The following SNRPA1 variants were observed in gnomAD, a reference collection of about 807,000 sequenced individuals.
SNRPA1 encodes the protein small nuclear ribonucleoprotein polypeptide A'.
A neutral mutation model predicts 32.3 loss-of-function variants in SNRPA1; 5 were observed. That is an observed-to-expected ratio of 0.15 (90% confidence interval 0.08 to 0.33). SNRPA1 has a LOEUF of 0.33. SNRPA1 is among the 10% of genes least tolerant of loss of function. The pLI is 1.00. For missense variants in SNRPA1, 198 were observed against 311.1 expected (o/e 0.64, Z 2.74); for synonymous variants, 111 against 120.1 (o/e 0.92, Z 0.50).
intron 5 of SNRPA1, 180 bp downstream of exon 5, chr15:101,286,728 A>C: frequency 1.9e-6 from 1 of 535,774 alleles, no homozygotes; most frequent in Admixed American, 3.4e-5. Context: ...GCTCCAACTT[A>C]AAAGTTCTAT....
Position 101,293,141 on chromosome 15 carries a change from A to G in SNRPA1, c.114T>C (p.Gly38=). 6.2e-7 allele frequency: 1 copy of G among 1,610,182 alleles called. No homozygotes were observed. The highest frequency in any genetic ancestry group is 8.5e-7 in the Non-Finnish European group (1 of 1,177,688). The change falls in exon 2 of 9, where the codon GGT becomes GGC. Residue 38 remains glycine (G), a synonymous_variant. Transcript: ENST00000254193. The part of the protein sequence containing the change: ...GYKIPVIENL[G]ATLDQFDAID... ...TAGCATCAAACTGGTCTAACGTAGC[A>G]CCTAGATTTTCAATGACGGGAATTT...
chr15:101,288,039 T>C (rs557641594), intron 3 of SNRPA1: 2 of 253,102 alleles, frequency 7.9e-6, no homozygotes, highest in South Asian at 5.2e-5. Context: ...CTATTCACAC[T>C]GGGAACTGCA....
chr15:101,287,026 T>C lies in SNRPA1; in HGVS notation c.357-16A>G, dbSNP rs1328237195. 1.3e-5 allele frequency: 19 copies of C among 1,422,368 alleles called. No homozygotes were observed. The highest frequency in any genetic ancestry group is 1.7e-5 in the Non-Finnish European group (17 of 1,007,924). The allele number at this position is 1,422,368 out of a possible 1,614,324, so 88.1% of individuals were successfully genotyped here. ...TCTTAGGATACTACAAGAAAAGGAA[T>C]GACACAATGGCAAACTTGTTCATGG... is the stretch of plus-strand genomic sequence containing the variant. On this transcript the variant is annotated splice_polypyrimidine_tract_variant and intron_variant, in intron 4 of 8. Coordinates refer to ENST00000254193, the MANE Select transcript of SNRPA1 (RefSeq NM_003090.4).
chr15:101,285,729 G>A lies in SNRPA1; in HGVS notation c.612C>T (p.Ile204=). The change falls in exon 7 of 9, where the codon ATC becomes ATT. Residue 204 remains isoleucine, a synonymous_variant. Transcript: ENST00000254193. ...AAGAATCCTAACACATGATTACCTTGATTGCTTCTACATCCCCTGGAGATG... is the reference window on the plus strand; with the variant it reads ...AAGAATCCTAACACATGATTACCTTAATTGCTTCTACATCCCCTGGAGATG... ...GGPSPGDVEA[I]KNAIANASTL... is the part of the protein sequence containing the mutation. The A allele has an allele frequency of 6.2e-7, 1 of 1,610,400 alleles. No individual in the cohort carries two copies. The highest frequency in any genetic ancestry group is 8.5e-7 in the Non-Finnish European group (1 of 1,176,670).
chr15:101,283,897 G>A lies in SNRPA1; in HGVS notation c.709+1070C>T, dbSNP rs183367247. 2.7e-3 allele frequency among the ~76,000 whole-genome samples: 407 copies of A among 152,302 alleles called. 4 individuals carry two copies. The highest frequency in any genetic ancestry group is 3.3e-3 in the Non-Finnish European group (226 of 68,028). On this transcript the variant is annotated intron_variant, in intron 8 of 8. Coordinates refer to ENST00000254193, the MANE Select transcript of SNRPA1 (RefSeq NM_003090.4). ...GGAGGTTGGCGTGAGCCGAGATCGC[G>A]CCACTGCACTCCAGCCTGGGCAAAA...
chr15:101,287,096 A>G lies in SNRPA1; in HGVS notation c.357-86T>C, dbSNP rs1045522199. ...GTTTGAATAGTCTAAGGAACCTATA[A>G]ATCAAGGGAACATTCACATTCTTCA... On this transcript the variant is annotated intron_variant, in intron 4 of 8. Transcript: ENST00000254193. 3.7e-5 allele frequency: 22 copies of G among 599,216 alleles called. No homozygotes were observed. The Admixed American group carries it at 4.8e-4, about 13-fold the overall frequency. 37.1% of individuals were successfully genotyped at this position (599,216 alleles called of 1,614,324 possible).
At position 101,285,804 on chromosome 15, in the gene SNRPA1, T is replaced by G. The variant is rs2039448985; in HGVS notation, c.540-3A>C. 6.2e-7 allele frequency: 1 copy of G among 1,611,766 alleles called. No individual in the cohort carries two copies. Among genetic ancestry groups the G allele is most frequent in the Admixed American group, 1.7e-5 (1 of 60,002 alleles). On this transcript the variant is annotated splice_region_variant and splice_polypyrimidine_tract_variant and intron_variant, in intron 6 of 8. Coordinates refer to ENST00000254193, the MANE Select transcript of SNRPA1 (RefSeq NM_003090.4). ...GCAAACCAGCACCTGGATTAAAACT[T>G]AAGAGGGGGAAGAACATAACTGTTA...
chr15:101,289,402 G>A (rs1450407516), intron 3 of SNRPA1, among the ~76,000 whole-genome samples: 1 of 152,008 alleles, frequency 6.6e-6, no homozygotes, highest in South Asian at 2.1e-4. Flanking sequence ...TAATTCCTAC[G>A]ATGCTAACTC....
At position 101,289,521 on chromosome 15, in the gene SNRPA1, A is replaced by T. The variant is rs911715722; in HGVS notation, c.310-1819T>A. On this transcript the variant is annotated intron_variant, in intron 3 of 8. Transcript: ENST00000254193. ...ACGGATTGAAGAACGGGTGGGACAG[A>T]CAGGAAGCCCCAGAACAGAGAGAAG... is the stretch of plus-strand genomic sequence containing the variant. 5.9e-5 allele frequency among the ~76,000 whole-genome samples: 9 copies of T among 152,362 alleles called. No homozygotes were observed. The East Asian group carries it at 1.7e-3, about 29-fold the overall frequency.
rs2039544374 is a variant in SNRPA1, at chr15:101,293,003, A to G, written c.230+22T>C. Reference sequence around the variant, plus strand: ...AACATTTACTCTAGGGGAAAAAATTACTTTCCCCTACAGACACGTACCATA... The same window carrying G: ...AACATTTACTCTAGGGGAAAAAATTGCTTTCCCCTACAGACACGTACCATA... On this transcript the variant is annotated intron_variant, in intron 2 of 8. Transcript: ENST00000254193. The G allele has an allele frequency of 3.9e-6, 6 of 1,539,894 alleles. No individual in the cohort carries two copies. In the Admixed American group the frequency reaches 1.2e-4, roughly 30 times the overall value.
intron 8 of SNRPA1, among the ~76,000 whole-genome samples, chr15:101,282,419 T>G (rs1162032357): frequency 2.0e-5 from 3 of 152,202 alleles, no homozygotes; most frequent in Non-Finnish European, 2.9e-5. Flanking sequence ...TTGACGGGCA[T>G]GAAGAAAATC....
In SNRPA1 at chr15:101,290,347, C is replaced by T. The variant is rs994640651; in HGVS notation, c.309+1615G>A. On this transcript the variant is annotated intron_variant, in intron 3 of 8. Coordinates refer to ENST00000254193, the MANE Select transcript of SNRPA1 (RefSeq NM_003090.4). Reference sequence around the variant, plus strand: ...TACAACTCTAATTTCTCTAACAGCACCTATCATGAGACACATTGCCTATAA... The same window carrying T: ...TACAACTCTAATTTCTCTAACAGCATCTATCATGAGACACATTGCCTATAA... Among the ~76,000 whole-genome samples, 4 of 152,154 alleles carry T rather than the reference C, an allele frequency of 2.6e-5. No individual in the cohort carries two copies. The East Asian group carries it at 7.7e-4, about 29-fold the overall frequency.
At chr15:101,289,008 G>GA (rs966171365) in intron 3 of SNRPA1, among the ~76,000 whole-genome samples, 2 of 151,856 alleles carry the variant, frequency 1.3e-5, no homozygotes, top group Non-Finnish European at 2.9e-5. Context: ...GGCACAATGA[G>GA]AAAAAAAAGT....
chr15:101,287,590 T>G, intron 4 of SNRPA1, 66 bp downstream of exon 4: 1 of 1,346,488 alleles, frequency 7.4e-7, no homozygotes, highest in South Asian at 1.2e-5. Flanking sequence ...TACATTAAGG[T>G]CAAGGCTGGT....
intron 7 of SNRPA1, 133 bp from the exon 8 acceptor site, chr15:101,285,193 G>A (rs189613478): frequency 4.8e-5 from 30 of 619,246 alleles, no homozygotes; most frequent in Admixed American, 2.2e-4. Flanking sequence ...CTTTGGTGTA[G>A]GGGGAAGAAT....
chr15:101,290,504 G>A (rs2039511108), intron 3 of SNRPA1, among the ~76,000 whole-genome samples: 1 of 152,042 alleles, frequency 6.6e-6, no homozygotes, highest in African/African-American at 2.4e-5. Flanking sequence ...CACAAGGAAA[G>A]GAACACAGTT....
chr15:101,283,423 A>G (rs1027647481), intron 8 of SNRPA1, among the ~76,000 whole-genome samples: 1 of 151,734 alleles, frequency 6.6e-6, no homozygotes, highest in Non-Finnish European at 1.5e-5. Context: ...AAAGTTAGCC[A>G]TGCTTGGTGG....
At chr15:101,294,994 G>GGA (rs1335292508) in intron 1 of SNRPA1, 103 bp downstream of exon 1, 3 of 712,342 alleles carry the variant, frequency 4.2e-6, no homozygotes, top group Non-Finnish European at 6.3e-6. Flanking sequence ...CCAGACAACC[G>GGA]GCCCGCGGGC....
chr15:101,293,785 G>A (rs2039554820), intron 1 of SNRPA1, among the ~76,000 whole-genome samples: 1 of 152,152 alleles, frequency 6.6e-6, no homozygotes, highest in African/African-American at 2.4e-5. Context: ...GGCACTATAA[G>A]AAAAGAAATA....
Sources: gnomAD v4.1 joint callset for allele counts (sites outside exome capture counted in the v4.1 genomes callset) on GRCh38, gnomAD v4.1.1 for gene constraint, MANE v1.5 for transcripts, NCBI Gene and HGNC (gene_info 2026-07-23, HGNC 2026-07-21) for gene names.